The following LAMA3 variants were observed in gnomAD, a reference collection of about 807,000 sequenced individuals.
LAMA3 encodes laminin subunit alpha-3.
Under a neutral mutation model 402.0 loss-of-function variants are expected in LAMA3, and 281 were observed. The observed-to-expected ratio is 0.70, with a 90% confidence interval of 0.63 to 0.77. The LOEUF (loss-of-function observed/expected upper bound fraction) is 0.77, where lower values mean the gene tolerates loss of function less well. Among genes scored for constraint, LAMA3 ranks in the 30% least tolerant of loss-of-function variants. LAMA3 has a pLI of 0.00. For missense variants in LAMA3, 3,840 were observed against 4,215.5 expected, an observed-to-expected ratio of 0.91 and a Z score of 2.47; for synonymous variants, 1,431 against 1,558.4, an observed-to-expected ratio of 0.92 and a Z score of 1.93.
intron 2 of LAMA3, among the ~76,000 whole-genome samples, chr18:23,726,942 AT>A (rs1298090605): frequency 2.0e-5 from 3 of 152,108 alleles, no homozygotes; most frequent in Admixed American, 1.3e-4. Context: ...TAATAAGGCT[AT>A]TTATTTGTTG....
At chr18:23,870,503 T>C (rs1568277991) in intron 37 of LAMA3, among the ~76,000 whole-genome samples, 1 of 152,112 alleles carries the variant, frequency 6.6e-6, no homozygotes, top group African/African-American at 2.4e-5. Context: ...CTAAAATAAC[T>C]GAAAACAGAA....
intron 44 of LAMA3, chr18:23,898,522 C>T (rs2080955545): frequency 1.7e-6 from 1 of 582,022 alleles, no homozygotes; most frequent in African/African-American, 1.9e-5. Flanking sequence ...TATCTCTTCA[C>T]ATTTGTCACA....
At chr18:23,900,721 A>C (rs528840330) in intron 47 of LAMA3, among the ~76,000 whole-genome samples, 78 of 152,212 alleles carry the variant, frequency 5.1e-4, no homozygotes, top group Non-Finnish European at 8.7e-4. Context: ...TTCTTGCTTA[A>C]ATTTTTATTG....
intron 32 of LAMA3, among the ~76,000 whole-genome samples, chr18:23,854,155 G>C (rs1052801208): frequency 2.6e-5 from 4 of 152,150 alleles, no homozygotes; most frequent in Non-Finnish European, 5.9e-5. Flanking sequence ...GAGGCTCAGA[G>C]CTTGGTCCTA....
At chr18:23,728,094 C>G (rs913834075) in intron 2 of LAMA3, among the ~76,000 whole-genome samples, 1 of 152,190 alleles carries the variant, frequency 6.6e-6, no homozygotes, top group Non-Finnish European at 1.5e-5. Flanking sequence ...AAGGCCTCCT[C>G]TTCTCTGCTA....
intron 41 of LAMA3, among the ~76,000 whole-genome samples, chr18:23,888,498 C>G (rs1018701464): frequency 3.9e-5 from 6 of 152,030 alleles, no homozygotes; most frequent in African/African-American, 1.2e-4. Context: ...GCAAAACAGC[C>G]CAAAACTCCA....
chr18:23,709,893 T>C, intron 1 of LAMA3: 1 of 737,526 alleles, frequency 1.4e-6, no homozygotes, highest in Non-Finnish European at 2.4e-6. Flanking sequence ...TGCCTTCTTC[T>C]CTCCATCAGG....
intron 68 of LAMA3, among the ~76,000 whole-genome samples, chr18:23,942,180 T>G (rs764657093): frequency 6.6e-6 from 1 of 152,242 alleles, no homozygotes; most frequent in Non-Finnish European, 1.5e-5. Flanking sequence ...TTCAATTCAG[T>G]AACTATTTAT....
chr18:23,778,609 C>T (rs1330812906), intron 11 of LAMA3, among the ~76,000 whole-genome samples: 1 of 152,160 alleles, frequency 6.6e-6, no homozygotes, highest in Non-Finnish European at 1.5e-5. Flanking sequence ...CTCAGAAGGG[C>T]ACGCCTGCAC....
intron 34 of LAMA3, among the ~76,000 whole-genome samples, chr18:23,861,345 C>T (rs1009099074): frequency 6.6e-6 from 1 of 152,182 alleles, no homozygotes; most frequent in African/African-American, 2.4e-5. Context: ...TATTCATACA[C>T]TTATTTCTTT....
rs2063661959 is a variant in LAMA3, at chr18:23,839,940, G to A, written c.3336+11G>A. 2.5e-6 allele frequency: 4 copies of A among 1,613,882 alleles called. No homozygotes were observed. The highest frequency in any genetic ancestry group is 3.4e-6 in the Non-Finnish European group (4 of 1,179,910). On this transcript the variant is annotated intron_variant, in intron 27 of 74. Coordinates refer to ENST00000313654, the MANE Select transcript of LAMA3 (RefSeq NM_198129.4). This position sits in a 1 kb window ranked among gnomAD's most constrained non-coding sequence, Gnocchi z 4.5. ...TTGAAGGCACCGCAGGTAGTGTGCT[G>A]TTTCTAAACCAGTGGTTCTCAAAGT...
chr18:23,871,635 C>G lies in LAMA3; in HGVS notation c.4972C>G (p.Pro1658Ala), dbSNP rs371796731. ...ALAVEICACP[P>A]AYAGDSCQGC... The stretch of plus-strand genomic sequence containing the variant: ...TGCTGTGGAAATCTGTGCCTGCCCC[C>G]CTGCCTACGCTGGTGACTCTTGTCA... Residue 1658 changes from proline (P) to alanine (A), a missense_variant, in exon 38 of 75, where the codon CCT becomes GCT. Pro to Ala is a conservative substitution (Grantham distance 27). This residue lies in a region of LAMA3 where 2,109 missense variants were observed against 2,376.0 expected (regional missense o/e 0.89). Transcript: ENST00000313654. 9.9e-6 allele frequency: 16 copies of G among 1,610,954 alleles called. No homozygotes were observed. In the African/African-American group the frequency reaches 1.1e-4, roughly 11 times the overall value.
chr18:23,888,277 A>C (rs1453093773), intron 41 of LAMA3, among the ~76,000 whole-genome samples: 2 of 152,190 alleles, frequency 1.3e-5, no homozygotes, highest in African/African-American at 4.8e-5. Flanking sequence ...TCTTGTAATA[A>C]TTTCAAATGA....
intron 32 of LAMA3, among the ~76,000 whole-genome samples, chr18:23,852,648 T>A (rs2063973072): frequency 6.6e-6 from 1 of 152,228 alleles, no homozygotes; most frequent in South Asian, 2.1e-4. Context: ...GTGAGCGCCA[T>A]ATTGTGTGTG....
chr18:23,868,031 AAT>A (rs988725745), intron 37 of LAMA3, 114 bp downstream of exon 37: 2 of 873,462 alleles, frequency 2.3e-6, no homozygotes, highest in African/African-American at 1.7e-5. Flanking sequence ...TATTTATATA[AAT>A]ATGTTTATAT....
At chr18:23,747,900 C>A in intron 2 of LAMA3, 43 bp from the exon 3 acceptor site, 1 of 1,099,752 alleles carries the variant, frequency 9.1e-7, no homozygotes, top group Non-Finnish European at 1.4e-6. Context: ...AGCTGTGAAT[C>A]GATGAGATGA....
intron 12 of LAMA3, among the ~76,000 whole-genome samples, 153 bp from the exon 13 acceptor site, chr18:23,810,213 G>T (rs1406488402): frequency 6.6e-6 from 1 of 152,190 alleles, no homozygotes; most frequent in Non-Finnish European, 1.5e-5. Context: ...CAGTTGAGTG[G>T]CTTGTTTCAG....
chr18:23,864,590 AT>A (rs1445472188), intron 35 of LAMA3, among the ~76,000 whole-genome samples, 194 bp from the exon 36 acceptor site: 4 of 152,126 alleles, frequency 2.6e-5, no homozygotes, highest in African/African-American at 9.7e-5. Flanking sequence ...CATGCTAAAC[AT>A]TTCAAATGAC....
At chr18:23,911,500 C>A (rs1194344279) in intron 55 of LAMA3, among the ~76,000 whole-genome samples, 1 of 151,830 alleles carries the variant, frequency 6.6e-6, no homozygotes. Flanking sequence ...AGCATGTGAT[C>A]GGTGGGCTTG....
Sources: gnomAD v4.1 joint callset for allele counts (sites outside exome capture counted in the v4.1 genomes callset) on GRCh38, gnomAD v4.1.1 for gene constraint, gnomAD v4.1.1 regional missense constraint, Gnocchi (gnomAD v3.1) non-coding constraint, MANE v1.5 for transcripts, NCBI Gene and HGNC (gene_info 2026-07-23, HGNC 2026-07-21) for gene names.